UGT8: variants seen among roughly 807,000 people sequenced by gnomAD.
The protein encoded by UGT8 is 2-hydroxyacylsphingosine 1-beta-galactosyltransferase.
UGT8 carries 12 observed loss-of-function variants against 40.5 expected under a neutral mutation model. That is an observed-to-expected ratio of 0.30 (90% CI 0.19 to 0.48). UGT8 has a LOEUF of 0.48. Among genes scored for constraint, UGT8 ranks in the 20% least tolerant of loss-of-function variants. The pLI is 0.99. For missense variants in UGT8, 513 were observed against 648.7 expected, an observed-to-expected ratio of 0.79 and a Z score of 2.27; for synonymous variants, 224 against 240.4, an observed-to-expected ratio of 0.93 and a Z score of 0.63.
At chr4:114,667,955 AT>A (rs1457834015) in intron 4 of UGT8, 129 bp from the exon 5 acceptor site, 3 of 1,440,808 alleles carry the variant, frequency 2.1e-6, no homozygotes, top group Non-Finnish European at 2.7e-6. Context: ...AATCAGTGAA[AT>A]TACACCTTTA....
In UGT8 at chr4:114,623,018, C is replaced by T. The variant is rs768880144; in HGVS notation, c.138C>T (p.His46=). ...TCAAGACGCTAGCCTCAGCCTTGCA[C>T]GAGAGAGGCCACCATACAGTGTTCC... ...YIFKTLASAL[H]ERGHHTVFLL... Residue 46 remains histidine (H), a synonymous_variant, in exon 2 of 6, where the codon CAC becomes CAT. Coordinates refer to ENST00000310836, the MANE Select transcript of UGT8 (RefSeq NM_001128174.3). The T allele has an allele frequency of 1.1e-5, 18 of 1,613,932 alleles. No homozygotes were observed. In the South Asian group the frequency reaches 1.2e-4, roughly 11 times the overall value.
intron 2 of UGT8, among the ~76,000 whole-genome samples, chr4:114,649,993 A>T (rs1733803881): frequency 6.6e-6 from 1 of 152,214 alleles, no homozygotes; most frequent in African/African-American, 2.4e-5. Flanking sequence ...TAAAAGCAGC[A>T]ATGTTTTGGA....
chr4:114,631,857 T>C (rs1179749666), intron 2 of UGT8, among the ~76,000 whole-genome samples: 1 of 152,230 alleles, frequency 6.6e-6, no homozygotes, highest in African/African-American at 2.4e-5. Flanking sequence ...CCCAAACAAA[T>C]GGATATGTAT....
At chr4:114,637,487 A>G (rs78243349) in intron 2 of UGT8, among the ~76,000 whole-genome samples, 3,176 of 152,294 alleles carry the variant, frequency 0.021, 56 homozygotes, top group Non-Finnish European at 0.032. Flanking sequence ...CTGCATTTTT[A>G]AGAGAACATT....
chr4:114,636,401 A>G (rs1732889730), intron 2 of UGT8, among the ~76,000 whole-genome samples: 1 of 152,222 alleles, frequency 6.6e-6, no homozygotes, highest in South Asian at 2.1e-4. Flanking sequence ...AAGAATTGCT[A>G]ATTAGAAAAT....
chr4:114,632,018 G>A (rs1055601601), intron 2 of UGT8, among the ~76,000 whole-genome samples: 6 of 152,278 alleles, frequency 3.9e-5, no homozygotes, highest in Middle Eastern at 3.4e-3. Context: ...GCCATGTACA[G>A]CCATGTCAGT....
intron 1 of UGT8, among the ~76,000 whole-genome samples, chr4:114,599,906 G>C (rs1021200011): frequency 3.3e-5 from 5 of 152,122 alleles, no homozygotes; most frequent in African/African-American, 1.2e-4. Context: ...CTATATACAA[G>C]CTTTCTGGTT....
At chr4:114,621,842 A>G (rs1731810809) in intron 1 of UGT8, among the ~76,000 whole-genome samples, 1 of 152,222 alleles carries the variant, frequency 6.6e-6, no homozygotes, top group South Asian at 2.1e-4. Flanking sequence ...TCAATTCTAT[A>G]CTTAAACATA....
At chr4:114,608,356 C>A (rs1419978732) in intron 1 of UGT8, among the ~76,000 whole-genome samples, 1 of 152,100 alleles carries the variant, frequency 6.6e-6, no homozygotes, top group African/African-American at 2.4e-5. Context: ...TCCTCATACA[C>A]CTTGGACAAA....
intron 2 of UGT8, among the ~76,000 whole-genome samples, chr4:114,632,712 G>C (rs1732647852): frequency 6.6e-6 from 1 of 152,142 alleles, no homozygotes; most frequent in African/African-American, 2.4e-5. Flanking sequence ...AAATAATGGA[G>C]GAAGCAATAC....
intron 4 of UGT8, 23 bp downstream of exon 4, chr4:114,665,779 C>A: frequency 2.6e-6 from 4 of 1,561,766 alleles, no homozygotes; most frequent in South Asian, 1.2e-5. Context: ...TGTGTGGTTA[C>A]TTACTTGGCT....
rs564558122 is a variant in UGT8 at position 114,623,769 on chromosome 4, G to T, written c.822+67G>T. On this transcript the variant is annotated intron_variant, in intron 2 of 5. Transcript: ENST00000310836. ...AAAGTCAATTTTGATTTTTGGAAGA[G>T]ATATGATTTGTTATTTATATATATT... 1.0e-4 allele frequency: 154 copies of T among 1,492,790 alleles called. No homozygotes were observed. The African/African-American group carries it at 1.2e-3, about 12-fold the overall frequency. The allele number at this position is 1,492,790 out of a possible 1,614,324, so 92.5% of individuals were successfully genotyped here. A position where few individuals can be genotyped will look rare whatever the true frequency, so the allele number is the denominator to read the frequency against.
At position 114,618,950 on chromosome 4, in the gene UGT8, A is replaced by G. The variant is rs762594845; in HGVS notation, c.-2-3929A>G. 9.2e-5 allele frequency among the ~76,000 whole-genome samples: 14 copies of G among 152,244 alleles called. 1 individual carries two copies. The highest frequency in any genetic ancestry group is 8.5e-4 in the Admixed American group (13 of 15,288). ...TTCAGGGAATTCCAATAGGCTTCCT[A>G]CACTGATGCATTGATTTCATGTAGA... On this transcript the variant is annotated intron_variant, in intron 1 of 5. Coordinates refer to ENST00000310836, the MANE Select transcript of UGT8 (RefSeq NM_001128174.3).
At position 114,610,213 on chromosome 4, in the gene UGT8, A is replaced by T. The variant is rs186940728; in HGVS notation, c.-3+11239A>T. On this transcript the variant is annotated intron_variant, in intron 1 of 5. Coordinates refer to ENST00000310836, the MANE Select transcript of UGT8 (RefSeq NM_001128174.3). ...ATGCTGGTTCCGACTCTGCCAGCGA[A>T]TAACTGAACTAGCTGTGTAATGCAA... 2.0e-5 allele frequency among the ~76,000 whole-genome samples: 3 copies of T among 152,288 alleles called. No individual in the cohort carries two copies. The East Asian group carries it at 5.8e-4, about 29-fold the overall frequency.
intron 1 of UGT8, among the ~76,000 whole-genome samples, chr4:114,620,577 A>G (rs1037492666): frequency 6.6e-6 from 1 of 152,212 alleles, no homozygotes; most frequent in South Asian, 2.1e-4. Context: ...TCCAAAGTTA[A>G]TTATTTTTAA....
At chr4:114,641,798 T>C (rs1050084013) in intron 2 of UGT8, among the ~76,000 whole-genome samples, 5 of 152,256 alleles carry the variant, frequency 3.3e-5, no homozygotes, top group African/African-American at 1.2e-4. Context: ...AATTATAAGA[T>C]CAAAATTTCT....
At chr4:114,630,056 A>G (rs1256928019) in intron 2 of UGT8, among the ~76,000 whole-genome samples, 4 of 152,178 alleles carry the variant, frequency 2.6e-5, no homozygotes, top group Admixed American at 2.6e-4. Context: ...TCTAAGCCAA[A>G]CAGGTCTATT....
chr4:114,648,706 G>A (rs993905559), intron 2 of UGT8, among the ~76,000 whole-genome samples: 2 of 152,092 alleles, frequency 1.3e-5, no homozygotes, highest in African/African-American at 4.8e-5. Flanking sequence ...TGCGAAATTG[G>A]TTAAGATTTC....
rs1330341633 is a variant in UGT8 at position 114,598,888 on chromosome 4, A to T, written c.-89A>T. On this transcript the variant is annotated 5_prime_UTR_variant, in exon 1 of 6. Coordinates refer to ENST00000310836, the MANE Select transcript of UGT8 (RefSeq NM_001128174.3). ...CACCGAAGGCGGCGACACCTGATTC[A>T]GCGCACAAACACAGGTCCCTTCTGT... The T allele has an allele frequency of 6.6e-6, 1 of 152,460 alleles. No individual in the cohort carries two copies. The highest frequency in any genetic ancestry group is 1.5e-5 in the Non-Finnish European group (1 of 68,320). The allele number at this position is 152,460 out of a possible 1,614,324, so 9.4% of individuals were successfully genotyped here.
Sources: allele counts gnomAD v4.1 joint callset (sites outside exome capture counted in the v4.1 genomes callset), GRCh38; gene constraint gnomAD v4.1.1; transcripts MANE v1.5; gene names NCBI Gene and HGNC (gene_info 2026-07-23, HGNC 2026-07-21).